The following RYR2 variants were observed in gnomAD, a reference collection of about 807,000 sequenced individuals.
RYR2 encodes the protein cardiac muscle ryanodine receptor-calcium release channel.
A neutral mutation model predicts 601.1 loss-of-function variants in RYR2; 227 were observed. That is an observed-to-expected ratio of 0.38 (90% CI 0.34 to 0.42). RYR2 has a LOEUF of 0.42. Among genes scored for constraint, RYR2 ranks in the 10% least tolerant of loss-of-function variants. The pLI is 1.00. For synonymous variants in RYR2, 2,223 were observed against 2,175.1 expected (o/e 1.02, Z -0.61); for missense variants, 4,646 against 6,156.5 (o/e 0.75, Z 8.21).
chr1:237,414,274 T>G (rs904234592), intron 10 of RYR2, among the ~76,000 whole-genome samples: 107 of 152,340 alleles, frequency 7.0e-4, no homozygotes, highest in African/African-American at 2.5e-3. Context: ...CATTGGACTT[T>G]TTAAAGCTTT....
intron 1 of RYR2, among the ~76,000 whole-genome samples, chr1:237,061,067 G>T (rs186962410): frequency 1.4e-4 from 21 of 152,198 alleles, no homozygotes; most frequent in Admixed American, 3.3e-4. Context: ...TGTATAGAGG[G>T]TTTCATTGTG....
intron 1 of RYR2, among the ~76,000 whole-genome samples, chr1:237,191,676 G>A (rs1212215198): frequency 3.3e-5 from 5 of 152,226 alleles, no homozygotes; most frequent in Middle Eastern, 3.4e-3. Context: ...TCTCCAGCTC[G>A]AAATGATGAA....
chr1:237,561,014 A>G (rs995522763), intron 27 of RYR2, among the ~76,000 whole-genome samples: 6 of 152,158 alleles, frequency 3.9e-5, no homozygotes, highest in African/African-American at 1.4e-4. Flanking sequence ...TTAAGAGAGC[A>G]AGTAGGGGAA....
At chr1:237,661,718 G>C (rs1032937783) in intron 56 of RYR2, among the ~76,000 whole-genome samples, 2 of 152,114 alleles carry the variant, frequency 1.3e-5, no homozygotes, top group Non-Finnish European at 2.9e-5. Flanking sequence ...GCAGAGGGAA[G>C]GTATACAGCC....
In RYR2 at chr1:237,524,719, T is replaced by TATATATATAGACATATATGTATATACAG. The variant is rs1363161071; in HGVS notation, c.2823-5696_2823-5669dup. On this transcript the variant is annotated intron_variant, in intron 24 of 104. Transcript: ENST00000366574. Reference sequence around the variant, plus strand: ...GTATGTGTGTGTGTGTATATATACATATATATATAGACATATATGTATATA... The same window carrying TATATATATAGACATATATGTATATACAG: ...GTATGTGTGTGTGTGTATATATACATATATATATAGACATATATGTATATACAGATATATATAGACATATATGTATATA... Among the ~76,000 whole-genome samples the TATATATATAGACATATATGTATATACAG allele has an allele frequency of 5.0e-3, 758 of 151,820 alleles. 7 individuals carry two copies. Among genetic ancestry groups the TATATATATAGACATATATGTATATACAG allele is most frequent in the African/African-American group, 0.017 (706 of 41,354 alleles).
intron 35 of RYR2, among the ~76,000 whole-genome samples, chr1:237,604,660 T>C (rs1676901317): frequency 6.6e-6 from 1 of 151,924 alleles, no homozygotes. Context: ...ATCAACAAAA[T>C]TGGTAGACCA....
chr1:237,599,824 A>G (rs1033042458), intron 34 of RYR2, among the ~76,000 whole-genome samples: 1 of 151,850 alleles, frequency 6.6e-6, no homozygotes, highest in African/African-American at 2.4e-5. Flanking sequence ...AAAAAAAAAA[A>G]AAAAAATCAG....
At chr1:237,091,497 T>C (rs1217913012) in intron 1 of RYR2, among the ~76,000 whole-genome samples, 2 of 152,026 alleles carry the variant, frequency 1.3e-5, no homozygotes, top group Non-Finnish European at 2.9e-5. Flanking sequence ...CGATCTTGGC[T>C]CACTGCAACC....
intron 69 of RYR2, 34 bp from the exon 70 acceptor site, chr1:237,709,446 G>T: frequency 7.4e-7 from 1 of 1,348,380 alleles, no homozygotes; most frequent in Non-Finnish European, 1.1e-6. Flanking sequence ...TTAAGGAGTA[G>T]CTGAGAAACC....
At chr1:237,339,517 G>A (rs1224607762) in intron 3 of RYR2, among the ~76,000 whole-genome samples, 1 of 151,894 alleles carries the variant, frequency 6.6e-6, no homozygotes, top group Non-Finnish European at 1.5e-5. Context: ...ACAGCTAAAA[G>A]ATTAGTATAT....
intron 17 of RYR2, among the ~76,000 whole-genome samples, chr1:237,472,231 G>A (rs1660808699): frequency 6.6e-6 from 1 of 152,166 alleles, no homozygotes. Flanking sequence ...GCATACATAT[G>A]CATCATTTTT....
At chr1:237,322,059 A>G (rs953916279) in intron 2 of RYR2, among the ~76,000 whole-genome samples, 2 of 152,206 alleles carry the variant, frequency 1.3e-5, no homozygotes, top group African/African-American at 4.8e-5. Flanking sequence ...AACAGTTTCA[A>G]TGTTACTGAG....
rs537801160 is a variant in RYR2, at chr1:237,589,738, A to G, written c.3599-55A>G. The G allele has an allele frequency of 1.1e-4, 169 of 1,524,320 alleles. 1 individual carries two copies. In the Admixed American group the frequency reaches 2.9e-3, roughly 26 times the overall value. 94.4% of individuals were successfully genotyped at this position (1,524,320 alleles called of 1,614,324 possible). A position where few individuals can be genotyped will look rare whatever the true frequency, so the allele number is the denominator to read the frequency against. On this transcript the variant is annotated intron_variant, in intron 29 of 104. Coordinates refer to ENST00000366574, the MANE Select transcript of RYR2 (RefSeq NM_001035.3). ...GGAACAATATGTTTGATAATTCTAT[A>G]CTAACAGGATCATATACTAATGGTA...
chr1:237,387,245 G>C, intron 8 of RYR2, 36 bp from the exon 9 acceptor site: 3 of 1,586,152 alleles, frequency 1.9e-6, no homozygotes, highest in Non-Finnish European at 2.6e-6. Context: ...GCTTACCAGA[G>C]CCTGAAGTGA....
Position 237,654,317 on chromosome 1 carries a change from T to C in RYR2, c.7868T>C (p.Leu2623Pro), listed in dbSNP as rs1553269568. ...GAAAGATGCTGGAAATATTACTGCCTGCCTGGAGGGTGGGGAAACTTTGGT... is the reference window on the plus strand; with the variant it reads ...GAAAGATGCTGGAAATATTACTGCCCGCCTGGAGGGTGGGGAAACTTTGGT... The part of the protein sequence containing the change: ...HYERCWKYYC[L>P]PGGWGNFGAA... The change falls in exon 52 of 105, where the codon CTG (leucine) becomes CCG (proline). Residue 2623 changes from leucine (L) to proline (P), a missense_variant. This residue lies in a region of RYR2 where 1,497 missense variants were observed against 1,842.6 expected (regional missense o/e 0.81). Transcript: ENST00000366574. The C allele has an allele frequency of 1.2e-6, 2 of 1,613,976 alleles. No homozygotes were observed. Among genetic ancestry groups the C allele is most frequent in the Non-Finnish European group, 1.7e-6 (2 of 1,179,876 alleles).
chr1:237,768,169 A>C (rs1693986180), intron 84 of RYR2, among the ~76,000 whole-genome samples: 1 of 152,220 alleles, frequency 6.6e-6, no homozygotes, highest in Non-Finnish European at 1.5e-5. Context: ...CCAAGAAAAA[A>C]ATGTAATTTT....
intron 92 of RYR2, among the ~76,000 whole-genome samples, chr1:237,789,776 C>T (rs1473327239): frequency 1.3e-5 from 2 of 152,212 alleles, no homozygotes; most frequent in South Asian, 2.1e-4. Flanking sequence ...CTATCTTTCT[C>T]GGCTCACCGA....
At chr1:237,528,454 A>T (rs1667804326) in intron 24 of RYR2, among the ~76,000 whole-genome samples, 1 of 152,138 alleles carries the variant, frequency 6.6e-6, no homozygotes, top group South Asian at 2.1e-4. Flanking sequence ...ATAAGGGAGG[A>T]CTACTGTACT....
intron 12 of RYR2, among the ~76,000 whole-genome samples, chr1:237,437,434 G>A (rs1250339586): frequency 1.3e-5 from 2 of 152,116 alleles, no homozygotes; most frequent in Non-Finnish European, 2.9e-5. Context: ...GCTCATAATG[G>A]GAGTAGTTTG....
Sources: allele counts gnomAD v4.1 joint callset (sites outside exome capture counted in the v4.1 genomes callset), GRCh38; gene constraint gnomAD v4.1.1; regional missense constraint gnomAD v4.1.1; transcripts MANE v1.5; gene names NCBI Gene and HGNC (gene_info 2026-07-23, HGNC 2026-07-21).